The following ABLIM1 variants were observed in gnomAD, a reference collection of about 807,000 sequenced individuals.
ABLIM1 encodes actin-binding LIM protein 1.
A neutral mutation model predicts 107.0 loss-of-function variants in ABLIM1; 40 were observed. The ratio of observed to expected loss-of-function variants is 0.37; its 90% CI spans 0.29 to 0.49. The LOEUF (loss-of-function observed/expected upper bound fraction) is 0.49. ABLIM1 is among the 20% of genes least tolerant of loss of function. ABLIM1 has a pLI of 0.97. For missense variants in ABLIM1, 857 were observed against 1,008.5 expected (o/e 0.85, Z 2.04); for synonymous variants, 357 against 357.3 (o/e 1.00, Z 0.01).
chr10:114,589,621 C>T (rs1277749017), intron 2 of ABLIM1, among the ~76,000 whole-genome samples: 5 of 151,982 alleles, frequency 3.3e-5, no homozygotes, highest in African/African-American at 1.2e-4. Flanking sequence ...TAGTCCATTA[C>T]AGCCTTGAGC....
chr10:114,472,925 C>A, intron 10 of ABLIM1, 52 bp downstream of exon 10: 2 of 1,459,898 alleles, frequency 1.4e-6, no homozygotes, highest in South Asian at 1.5e-5. Flanking sequence ...ACAAATGTGA[C>A]AAAAGGGAAG....
intron 2 of ABLIM1, among the ~76,000 whole-genome samples, chr10:114,575,830 T>C (rs1427986738): frequency 6.6e-6 from 1 of 152,216 alleles, no homozygotes; most frequent in East Asian, 1.9e-4. Flanking sequence ...TTTTGTGATA[T>C]GTCTAAAATT....
At chr10:114,587,680 A>C (rs2074347200) in intron 2 of ABLIM1, among the ~76,000 whole-genome samples, 1 of 152,122 alleles carries the variant, frequency 6.6e-6, no homozygotes, top group Admixed American at 6.6e-5. Flanking sequence ...CTCACCGCCC[A>C]CTGTCCTGAA....
chr10:114,437,325 T>TC (rs10680899), intron 22 of ABLIM1, among the ~76,000 whole-genome samples: 8 of 137,714 alleles, frequency 5.8e-5, no homozygotes, highest in African/African-American at 2.8e-4. Flanking sequence ...TTCTTTCTTT[T>TC]TTTTTTTTTT....
chr10:114,483,557 A>G (rs995593488), intron 8 of ABLIM1, among the ~76,000 whole-genome samples: 1 of 152,178 alleles, frequency 6.6e-6, no homozygotes, highest in Non-Finnish European at 1.5e-5. Flanking sequence ...GATTACAGGC[A>G]TGAGCCACCA....
At chr10:114,439,981 A>G (rs763551933) in intron 20 of ABLIM1, 101 bp downstream of exon 20, 169 of 1,585,878 alleles carry the variant, frequency 1.1e-4, no homozygotes, top group Non-Finnish European at 1.3e-4. Context: ...CACAACAAGC[A>G]TCTTCTCAAC....
chr10:114,791,580 G>A, the ABLIM1 span, among the ~76,000 whole-genome samples: 5,370 of 151,942 alleles, frequency 0.035, 330 homozygotes, highest in African/African-American at 0.12. Context: ...GGAGCTTGCA[G>A]TGAGCCAAGA....
intron 1 of ABLIM1, among the ~76,000 whole-genome samples, chr10:114,698,653 A>C (rs1487036459): frequency 6.6e-6 from 1 of 152,182 alleles, no homozygotes; most frequent in Non-Finnish European, 1.5e-5. Context: ...TACAGAGAAC[A>C]CCCTAAAAGC....
chr10:114,557,205 G>C (rs780696216), intron 4 of ABLIM1, among the ~76,000 whole-genome samples: 4 of 152,150 alleles, frequency 2.6e-5, no homozygotes, highest in Non-Finnish European at 4.4e-5. Context: ...CCTTGAACTA[G>C]ACCGTGCATA....
intron 1 of ABLIM1, among the ~76,000 whole-genome samples, chr10:114,631,266 G>T (rs1213426890): frequency 6.6e-6 from 1 of 152,160 alleles, no homozygotes; most frequent in Non-Finnish European, 1.5e-5. Flanking sequence ...CATAAATGAT[G>T]TACACCTGTT....
At chr10:114,671,688 G>C (rs1366454994) in intron 1 of ABLIM1, among the ~76,000 whole-genome samples, 1 of 152,120 alleles carries the variant, frequency 6.6e-6, no homozygotes, top group African/African-American at 2.4e-5. Context: ...TGTAAATAAA[G>C]TTTTATTGAA....
chr10:114,679,437 C>A lies in ABLIM1; in HGVS notation c.64+4853G>T, dbSNP rs536308227. 2.6e-5 allele frequency among the ~76,000 whole-genome samples: 4 copies of A among 151,994 alleles called. No individual in the cohort carries two copies. The South Asian group carries it at 8.4e-4, about 32-fold the overall frequency. ...ATCACCTGAGGTCGGGAGTTTGAGA[C>A]CAGCCTGACCAACATGGAGAAACCT... On this transcript the variant is annotated intron_variant, in intron 1 of 23. Coordinates refer to the ABLIM1 transcript ENST00000369256.
chr10:114,787,389 G>A, the ABLIM1 span, among the ~76,000 whole-genome samples: 15 of 150,844 alleles, frequency 9.9e-5, no homozygotes, highest in Admixed American at 3.3e-4. Context: ...CAGCCACCCC[G>A]TCCGGGAGGG....
intron 1 of ABLIM1, among the ~76,000 whole-genome samples, chr10:114,749,553 C>T (rs746435838): frequency 7.2e-5 from 11 of 151,864 alleles, no homozygotes; most frequent in Non-Finnish European, 1.2e-4. Context: ...CAGGGGTACT[C>T]GTGATTTCTT....
intron 1 of ABLIM1, among the ~76,000 whole-genome samples, chr10:114,667,408 A>G (rs1479988775): frequency 6.6e-6 from 1 of 152,142 alleles, no homozygotes; most frequent in African/African-American, 2.4e-5. Context: ...TCCCTATTAT[A>G]TTATTTTGTT....
At chr10:114,559,438 C>CAAAAAAAAAAAAGAAAAAAAAAAAAA (rs2069294046) in intron 4 of ABLIM1, among the ~76,000 whole-genome samples, 1 of 49,356 alleles carries the variant, frequency 2.0e-5, no homozygotes, top group Non-Finnish European at 3.8e-5. Flanking sequence ...ACTCGTCTCT[C>CAAAAAAAAAAAAGAAAAAAAAAAAAA]AAAAAAAAAA....
chr10:114,438,054 G>T, intron 21 of ABLIM1, 130 bp from the exon 22 acceptor site: 1 of 825,660 alleles, frequency 1.2e-6, no homozygotes, highest in Non-Finnish European at 1.9e-6. Context: ...CGAGTGATGG[G>T]TCTTCCTTCT....
Position 114,472,039 on chromosome 10 carries a change from C to T in ABLIM1, c.1275+938G>A, listed in dbSNP as rs187906397. 3.9e-3 allele frequency among the ~76,000 whole-genome samples: 590 copies of T among 151,866 alleles called. 3 individuals are homozygous for T. The highest frequency in any genetic ancestry group is 6.8e-3 in the Middle Eastern group (2 of 294). On this transcript the variant is annotated intron_variant, in intron 10 of 22. Transcript: ENST00000533213. ...CCAAGGGGCTGAGAGGCTCTGGTCC[C>T]GCAGCAGATGGGTCTGCAGGCCGAG...
intron 2 of ABLIM1, among the ~76,000 whole-genome samples, chr10:114,591,259 G>T (rs2074839530): frequency 6.6e-6 from 1 of 152,004 alleles, no homozygotes; most frequent in Non-Finnish European, 1.5e-5. Flanking sequence ...GAATTTCCCA[G>T]TTTCACTCAG....
Sources: gnomAD v4.1 joint callset for allele counts (sites outside exome capture counted in the v4.1 genomes callset) on GRCh38, gnomAD v4.1.1 for gene constraint, MANE v1.5 for transcripts, NCBI Gene and HGNC (gene_info 2026-07-23, HGNC 2026-07-21) for gene names.